The following SELENOM variants were observed in gnomAD, a reference collection of about 807,000 sequenced individuals.
SELENOM encodes the protein selenoprotein M.
A neutral mutation model predicts 14.5 loss-of-function variants in SELENOM; 17 were observed. That is an observed-to-expected ratio of 1.17 (90% CI 0.80 to 1.76). The LOEUF (loss-of-function observed/expected upper bound fraction) is 1.76. Among genes scored for constraint, SELENOM ranks in the 40% most tolerant of loss-of-function variants. The pLI is 0.00. For synonymous variants in SELENOM, 102 were observed against 93.3 expected (o/e 1.09, Z -0.54); for missense variants, 230 against 204.6 (o/e 1.12, Z -0.76).
At chr22:31,106,530 G>A (rs183936758) in intron 1 of SELENOM, 85 of 164,854 alleles carry the variant, frequency 5.2e-4, no homozygotes, top group African/African-American at 1.8e-3. Context: ...TCCCTGAGGA[G>A]ATGCCACCAT....
intron 2 of SELENOM, 46 bp from the exon 3 acceptor site, chr22:31,105,738 G>T: frequency 6.2e-7 from 1 of 1,607,076 alleles, no homozygotes; most frequent in Non-Finnish European, 8.5e-7. Flanking sequence ...CAGTCTACTC[G>T]AGGTACAGAC....
At chr22:31,107,261 G>A in intron 1 of SELENOM, 116 bp downstream of exon 1, 2 of 1,296,982 alleles carry the variant, frequency 1.5e-6, no homozygotes, top group Admixed American at 2.7e-5. Flanking sequence ...CGGCGCCAGG[G>A]GGAAAGCAGG....
Position 31,107,424 on chromosome 22 carries a change from G to GGTAGGCAGT in SELENOM, c.73_81dup (p.Thr25_Tyr27dup). 1 of 1,587,540 alleles carries GGTAGGCAGT rather than the reference G, an allele frequency of 6.3e-7. No individual in the cohort carries two copies. The highest frequency in any genetic ancestry group is 8.6e-7 in the Non-Finnish European group (1 of 1,169,142). On this transcript the variant is annotated inframe_insertion, in exon 1 of 5. Coordinates refer to ENST00000400299, the MANE Select transcript of SELENOM (RefSeq NM_080430.4). ...CCGCTCAGACGGTTCCAGTCCGGCCGGTAGGCAGTGGCGGCTGTGGCTGGG... is the reference window on the plus strand; with the variant it reads ...CCGCTCAGACGGTTCCAGTCCGGCCGGTAGGCAGTGTAGGCAGTGGCGGCTGTGGCTGGG...
chr22:31,107,547 T>G lies in SELENOM; in HGVS notation c.-42A>C. ...ATGATGCGCAAGCTGGAGGCGAACC[T>G]CCGAGTCGCTGCGCCACGTCTGGGC... is the stretch of plus-strand genomic sequence containing the variant. On this transcript the variant is annotated 5_prime_UTR_variant, in exon 1 of 5. Transcript: ENST00000400299. 1 of 1,485,342 alleles carries G rather than the reference T, an allele frequency of 6.7e-7. No individual in the cohort carries two copies. Among genetic ancestry groups the G allele is most frequent in the Non-Finnish European group, 8.9e-7 (1 of 1,118,064 alleles). 92.0% of individuals were successfully genotyped at this position (1,485,342 alleles called of 1,614,324 possible).
Position 31,105,225 on chromosome 22 carries a change from G to C in SELENOM, c.262C>G (p.Arg88Gly). The change falls in exon 4 of 5, where the codon CGC (arginine) becomes GGC (glycine). Residue 88 changes from arginine to glycine, a missense_variant. Coordinates refer to ENST00000400299, the MANE Select transcript of SELENOM (RefSeq NM_080430.4). ...GGCCTCACCTCTAGTTCCTCGTAGC[G>C]GCGGCCCAGCAGCACGAGCTCAGGG... is the stretch of plus-strand genomic sequence containing the variant. Reference protein sequence around the residue: ...ADPELVLLGRRYEELERIPLS... With the variant: ...ADPELVLLGRGYEELERIPLS... The C allele has an allele frequency of 1.2e-6, 2 of 1,613,170 alleles. No homozygotes were observed. The highest frequency in any genetic ancestry group is 1.7e-6 in the Non-Finnish European group (2 of 1,179,644).
At chr22:31,106,854 T>C (rs1236621767) in intron 1 of SELENOM, 1 of 152,790 alleles carries the variant, frequency 6.5e-6, no homozygotes, top group Non-Finnish European at 1.5e-5. Context: ...GGGAGGCTGC[T>C]GCAGAGTAAA....
At chr22:31,107,239 G>A (rs2044413629) in intron 1 of SELENOM, 138 bp downstream of exon 1, 5 of 1,132,764 alleles carry the variant, frequency 4.4e-6, no homozygotes, top group Non-Finnish European at 6.1e-6. Context: ...TAGGGAACAG[G>A]AGGGATGGTC....
At chr22:31,105,875 A>G in intron 2 of SELENOM, 55 bp downstream of exon 2, 1 of 1,567,218 alleles carries the variant, frequency 6.4e-7, no homozygotes, top group Non-Finnish European at 8.8e-7. Flanking sequence ...CATGTTGCCC[A>G]CTCCCCAAGA....
rs772476044 is a variant in SELENOM at position 31,105,012 on chromosome 22, G to A, written c.396C>T (p.Pro132=). 4.4e-6 allele frequency: 7 copies of A among 1,603,998 alleles called. No homozygotes were observed. Among genetic ancestry groups the A allele is most frequent in the Admixed American group, 1.8e-5 (1 of 56,462 alleles). Residue 132 remains proline, a synonymous_variant, in exon 5 of 5, where the codon CCC becomes CCT. Coordinates refer to ENST00000400299, the MANE Select transcript of SELENOM (RefSeq NM_080430.4). ...AQVPPEYVWA[P]AKPPEETSDH... The stretch of plus-strand genomic sequence containing the variant: ...CCGAAGTTTCCTCTGGGGGCTTCGC[G>A]GGCGCCCACACGTACTCGGGGGGCA...
At chr22:31,106,340 T>C in intron 1 of SELENOM, 1 of 298,456 alleles carries the variant, frequency 3.4e-6, no homozygotes, top group South Asian at 3.9e-5. Context: ...AATCTCACAG[T>C]GGAGGCAGAG....
chr22:31,105,000 T>C lies in SELENOM; in HGVS notation c.408A>G (p.Pro136=). ...PEYVWAPAKP[P]EETSDHADL ...GGTCAGCGTGGTCCGAAGTTTCCTC[T>C]GGGGGCTTCGCGGGCGCCCACACGT... Residue 136 remains proline (P), a synonymous_variant, in exon 5 of 5, where the codon CCA becomes CCG. Coordinates refer to ENST00000400299, the MANE Select transcript of SELENOM (RefSeq NM_080430.4). 1 of 1,602,046 alleles carries C rather than the reference T, an allele frequency of 6.2e-7. No individual in the cohort carries two copies. Among genetic ancestry groups the C allele is most frequent in the Non-Finnish European group, 8.5e-7 (1 of 1,176,284 alleles).
At chr22:31,105,404 G>A in intron 3 of SELENOM, 118 bp from the exon 4 acceptor site, 3 of 1,084,932 alleles carry the variant, frequency 2.8e-6, no homozygotes, top group Non-Finnish European at 4.1e-6. Context: ...CCCGGGAGGG[G>A]CCAGGGTCTC....
chr22:31,105,531 C>A, intron 3 of SELENOM, 127 bp downstream of exon 3: 2 of 1,024,754 alleles, frequency 2.0e-6, no homozygotes, highest in South Asian at 1.4e-5. Context: ...ACCTCAGAAT[C>A]CTCTGGGAGC....
At chr22:31,106,087 T>C (rs1219739896) in intron 1 of SELENOM, 122 bp from the exon 2 acceptor site, 1 of 868,770 alleles carries the variant, frequency 1.2e-6, no homozygotes, top group Non-Finnish European at 1.9e-6. Context: ...GGATCAGCAG[T>C]TCCCAAGGTC....
In SELENOM at chr22:31,107,389, G is replaced by A. The variant is rs1199607483; in HGVS notation, c.117C>T (p.Arg39=). 3.1e-6 allele frequency: 5 copies of A among 1,594,062 alleles called. No homozygotes were observed. Among genetic ancestry groups the A allele is most frequent in the African/African-American group, 1.4e-5 (1 of 74,028 alleles). ...PDWNRLSGLT[R]ARVETCGGUQ... Reference sequence around the variant, plus strand: ...CCGGCGTACTCACCTCTACCCGGGCGCGGGTTAGGCCGCTCAGACGGTTCC... The same window carrying A: ...CCGGCGTACTCACCTCTACCCGGGCACGGGTTAGGCCGCTCAGACGGTTCC... The change falls in exon 1 of 5, where the codon CGC becomes CGT. Residue 39 remains arginine, a synonymous_variant. Coordinates refer to ENST00000400299, the MANE Select transcript of SELENOM (RefSeq NM_080430.4).
At chr22:31,105,379 A>G (rs2044391499) in intron 3 of SELENOM, 93 bp from the exon 4 acceptor site, 4 of 1,315,966 alleles carry the variant, frequency 3.0e-6, no homozygotes, top group Non-Finnish European at 4.3e-6. Flanking sequence ...TCCTTTGCTC[A>G]GAGCTTACTC....
At chr22:31,107,275 A>C (rs1333208310) in intron 1 of SELENOM, 102 bp downstream of exon 1, 4 of 1,366,980 alleles carry the variant, frequency 2.9e-6, no homozygotes, top group Non-Finnish European at 3.9e-6. Context: ...AAGCAGGGAG[A>C]CTCGCGGTTC....
chr22:31,106,013 CCA>C (rs1359003031), intron 1 of SELENOM, 48 bp from the exon 2 acceptor site: 1 of 1,543,396 alleles, frequency 6.5e-7, no homozygotes, highest in South Asian at 1.1e-5. Flanking sequence ...CACGTTTATT[CCA>C]GTCACATCCC....
chr22:31,106,055 G>A (rs1028487560), intron 1 of SELENOM, 90 bp from the exon 2 acceptor site: 4 of 1,264,492 alleles, frequency 3.2e-6, no homozygotes, highest in African/African-American at 1.5e-5. Context: ...CCCTGAGTTG[G>A]GTCGGGCTGT....
Sources: allele counts gnomAD v4.1 joint callset, GRCh38; gene constraint gnomAD v4.1.1; transcripts MANE v1.5; gene names NCBI Gene and HGNC (gene_info 2026-07-23, HGNC 2026-07-21).